RIC3: variants seen among roughly 807,000 people sequenced by gnomAD.
The protein encoded by RIC3 is protein RIC-3.
In RIC3, 28 loss-of-function variants were observed where a neutral mutation model predicts 27.3. That is an observed-to-expected ratio of 1.02 (90% CI 0.76 to 1.41). RIC3 has a LOEUF of 1.41. Among genes scored for constraint, RIC3 ranks in the 40% most tolerant of loss-of-function variants. RIC3 has a pLI of 0.00. For synonymous variants in RIC3, 184 were observed against 160.4 expected, an observed-to-expected ratio of 1.15 and a Z score of -1.11; for missense variants, 501 against 444.7, an observed-to-expected ratio of 1.13 and a Z score of -1.14.
At chr11:8,112,671 T>G (rs1205098596) in intron 5 of RIC3, among the ~76,000 whole-genome samples, 2 of 152,230 alleles carry the variant, frequency 1.3e-5, no homozygotes, top group African/African-American at 2.4e-5. Context: ...CTGATGTTTT[T>G]CAATTCAACA....
At chr11:8,119,216 C>T (rs568368547) in intron 5 of RIC3, among the ~76,000 whole-genome samples, 12 of 152,288 alleles carry the variant, frequency 7.9e-5, no homozygotes, top group East Asian at 3.9e-4. Context: ...CATTCGTACA[C>T]GCTCAGACAC....
chr11:8,118,808 T>C (rs1590103485), intron 5 of RIC3, among the ~76,000 whole-genome samples: 1 of 151,738 alleles, frequency 6.6e-6, no homozygotes, highest in African/African-American at 2.4e-5. Context: ...GCAGCGAAGG[T>C]TGCAGTGAGC....
chr11:8,147,973 C>A (rs1340630158), intron 1 of RIC3, among the ~76,000 whole-genome samples: 1 of 152,132 alleles, frequency 6.6e-6, no homozygotes, highest in Admixed American at 6.5e-5. Context: ...GATCTGCCCC[C>A]CTTGGTCTCC....
intron 5 of RIC3, among the ~76,000 whole-genome samples, chr11:8,125,485 A>G (rs947956374): frequency 6.6e-6 from 1 of 152,196 alleles, no homozygotes; most frequent in Non-Finnish European, 1.5e-5. Context: ...AACTACTTGA[A>G]CAGACACTTC....
At chr11:8,100,544 C>T in the RIC3 span, 51,148 of 1,613,956 alleles carry the variant, frequency 0.032, 926 homozygotes, top group Non-Finnish European at 0.036. Context: ...GGAAGATGAG[C>T]GTGATTGTCC....
At chr11:8,144,595 G>C (rs1279170173) in intron 1 of RIC3, among the ~76,000 whole-genome samples, 5 of 151,730 alleles carry the variant, frequency 3.3e-5, no homozygotes, top group African/African-American at 1.2e-4. Flanking sequence ...CTGTAAACTA[G>C]TTCAACCATT....
the RIC3 span, chr11:8,100,827 A>G: frequency 6.2e-7 from 1 of 1,613,894 alleles, no homozygotes; most frequent in Non-Finnish European, 8.5e-7. Context: ...CCCTCCCAGG[A>G]GCATGAGACA....
the RIC3 span, chr11:8,101,015 T>A: frequency 6.2e-7 from 1 of 1,613,968 alleles, no homozygotes; most frequent in Non-Finnish European, 8.5e-7. Context: ...TTTCTGTCCC[T>A]ACTCATTATG....
In RIC3 at chr11:8,157,682, T is replaced by C. The variant is rs1393940703; in HGVS notation, c.124+11184A>G. Among the ~76,000 whole-genome samples, 4 of 152,220 alleles carry C rather than the reference T, an allele frequency of 2.6e-5. No homozygotes were observed. In the East Asian group the frequency reaches 5.8e-4, roughly 22 times the overall value. On this transcript the variant is annotated intron_variant, in intron 1 of 5. Coordinates refer to ENST00000309737, the MANE Select transcript of RIC3 (RefSeq NM_001206671.4). ...TGATTTGGATGAATTATACTGGGAGTGTTAGCCTTTATTAGAATCTCAAGA... is the reference window on the plus strand; with the variant it reads ...TGATTTGGATGAATTATACTGGGAGCGTTAGCCTTTATTAGAATCTCAAGA...
intron 5 of RIC3, among the ~76,000 whole-genome samples, chr11:8,112,557 A>G (rs902539146): frequency 1.3e-5 from 2 of 152,104 alleles, no homozygotes; most frequent in Middle Eastern, 3.4e-3. Flanking sequence ...GGTCTTCCAA[A>G]TTGTTGGGAT....
intron 4 of RIC3, among the ~76,000 whole-genome samples, chr11:8,129,174 C>T (rs995724212): frequency 2.6e-5 from 4 of 151,870 alleles, no homozygotes; most frequent in Non-Finnish European, 5.9e-5. Context: ...CTCCTCCTCC[C>T]TTAGCTATTG....
chr11:8,129,006 G>A (rs1055906842), intron 4 of RIC3, among the ~76,000 whole-genome samples: 5 of 151,764 alleles, frequency 3.3e-5, no homozygotes, highest in Non-Finnish European at 5.9e-5. Context: ...CGCCCGCCTC[G>A]GCCTCCCAAA....
chr11:8,130,487 T>C (rs1408851261), intron 4 of RIC3, among the ~76,000 whole-genome samples: 1 of 152,184 alleles, frequency 6.6e-6, no homozygotes, highest in Non-Finnish European at 1.5e-5. Context: ...TTCCAATAAA[T>C]TCTGCCTCCT....
At chr11:8,162,162 G>T (rs1038293142) in intron 1 of RIC3, among the ~76,000 whole-genome samples, 13 of 152,212 alleles carry the variant, frequency 8.5e-5, no homozygotes, top group African/African-American at 2.9e-4. Flanking sequence ...GAGTGAAAAG[G>T]ACACAGAAAA....
At chr11:8,113,565 G>A (rs527286956) in intron 5 of RIC3, among the ~76,000 whole-genome samples, 1 of 152,126 alleles carries the variant, frequency 6.6e-6, no homozygotes, top group Non-Finnish European at 1.5e-5. Context: ...ACCCAAATTG[G>A]AGCCTGCAGA....
At position 8,138,271 on chromosome 11, in the gene RIC3, C is replaced by G. The variant is rs190752905; in HGVS notation, c.427+1G>C. The G allele has an allele frequency of 6.2e-7, 1 of 1,608,534 alleles. No individual in the cohort carries two copies. The highest frequency in any genetic ancestry group is 1.7e-5 in the Admixed American group (1 of 59,996). On this transcript the variant is annotated splice_donor_variant, in intron 3 of 5. Transcript: ENST00000309737. LOFTEE classifies it high-confidence loss of function. ...TGAATATACTGAGAAGGGGCACTTA[C>G]TAATTTTCCTGTGGGTGTTTCCAGG...
the RIC3 span, chr11:8,098,851 T>G: frequency 1.2e-6 from 2 of 1,614,010 alleles, no homozygotes; most frequent in Admixed American, 3.3e-5. Context: ...GAACCTTACG[T>G]CAGGAGCTGG....
chr11:8,111,947 C>T lies in RIC3; in HGVS notation c.671-810G>A, dbSNP rs564821708. 4.6e-5 allele frequency among the ~76,000 whole-genome samples: 7 copies of T among 152,340 alleles called. No individual in the cohort carries two copies. The South Asian group carries it at 6.2e-4, about 14-fold the overall frequency. On this transcript the variant is annotated intron_variant, in intron 5 of 5. Transcript: ENST00000309737. ...ACACACCAGTACTGGCACCAGCGGC[C>T]GTAATCACGATACAGTGCAGAAAGC...
At chr11:8,124,623 G>C (rs191565710) in intron 5 of RIC3, among the ~76,000 whole-genome samples, 1 of 152,144 alleles carries the variant, frequency 6.6e-6, no homozygotes, top group African/African-American at 2.4e-5. Flanking sequence ...CCAAAATAAA[G>C]ACTTACTATA....
Sources: allele counts gnomAD v4.1 joint callset (sites outside exome capture counted in the v4.1 genomes callset), GRCh38; gene constraint gnomAD v4.1.1; transcripts MANE v1.5; gene names NCBI Gene and HGNC (gene_info 2026-07-23, HGNC 2026-07-21).